Variants in BCAS3 observed in about 807,000 individuals in gnomAD.
BCAS3 encodes BCAS4/BCAS3 fusion.
A neutral mutation model predicts 116.1 loss-of-function variants in BCAS3; 53 were observed. The observed-to-expected ratio is 0.46, with a 90% CI of 0.37 to 0.57. The LOEUF (loss-of-function observed/expected upper bound fraction) is 0.57. Among genes scored for constraint, BCAS3 ranks in the 20% least tolerant of loss-of-function variants. The pLI is 0.00. For missense variants in BCAS3, 917 were observed against 1,165.4 expected (o/e 0.79, Z 3.10); for synonymous variants, 391 against 408.2 (o/e 0.96, Z 0.51).
chr17:60,779,648 C>T (rs904178315), intron 6 of BCAS3, among the ~76,000 whole-genome samples: 2 of 152,180 alleles, frequency 1.3e-5, no homozygotes, highest in Non-Finnish European at 2.9e-5. Context: ...GGATTACAGG[C>T]GTGAGCCATC....
rs5821300 is a variant in BCAS3, at chr17:61,105,777, GA to G, written c.2425+21223del. On this transcript the variant is annotated intron_variant, in intron 22 of 23. Coordinates refer to ENST00000407086, the MANE Select transcript of BCAS3 (RefSeq NM_017679.5). The surrounding 1 kb of genome is among the most constrained non-coding windows in gnomAD (Gnocchi z 4.3). ...TTGCTTTAAGTGTTGGGAGAAAATG[GA>G]AAAAAAAAAGTTAGAGCTTTAGTAC... 2.7e-5 allele frequency among the ~76,000 whole-genome samples: 4 copies of G among 150,294 alleles called. No individual in the cohort carries two copies. The highest frequency in any genetic ancestry group is 9.8e-5 in the African/African-American group (4 of 40,888).
chr17:61,038,853 G>A (rs1215099730), intron 18 of BCAS3, among the ~76,000 whole-genome samples: 1 of 151,616 alleles, frequency 6.6e-6, no homozygotes, highest in Non-Finnish European at 1.5e-5. Context: ...TAGAGATAGG[G>A]TTTCACCATG....
rs3032587 is a variant in BCAS3 at position 61,216,516 on chromosome 17, GTTTATTTTAT to G, written c.2425+131980_2425+131989del. ...GAACTAAGCAAGTCAATAAGTATGTGTTTATTTTATTTTATTTTATTTTATTTTATTTTAT... is the reference window on the plus strand; with the variant it reads ...GAACTAAGCAAGTCAATAAGTATGTGTTTATTTTATTTTATTTTATTTTAT... On this transcript the variant is annotated intron_variant, in intron 22 of 23. Transcript: ENST00000407086. Among the ~76,000 whole-genome samples, 182 of 145,438 alleles carry G rather than the reference GTTTATTTTAT, an allele frequency of 1.3e-3. 1 individual carries two copies. The highest frequency in any genetic ancestry group is 3.9e-3 in the African/African-American group (155 of 39,394).
rs2066873822 is a variant in BCAS3, at chr17:61,034,557, A to C, written c.1638-109A>C. 2 of 976,980 alleles carry C rather than the reference A, an allele frequency of 2.0e-6. No homozygotes were observed. Among genetic ancestry groups the C allele is most frequent in the Non-Finnish European group, 3.0e-6 (2 of 677,490 alleles). The allele number at this position is 976,980 out of a possible 1,614,324, so 60.5% of individuals were successfully genotyped here. ...ATTACTTAAGGCAAAATGCATGTTCATACTGGAGGATTTGAATAGGGGTGG... is the reference window on the plus strand; with the variant it reads ...ATTACTTAAGGCAAAATGCATGTTCCTACTGGAGGATTTGAATAGGGGTGG... On this transcript the variant is annotated intron_variant, in intron 16 of 23. Coordinates refer to ENST00000407086, the MANE Select transcript of BCAS3 (RefSeq NM_017679.5). The surrounding 1 kb of genome is among the most constrained non-coding windows in gnomAD (Gnocchi z 5.0).
chr17:60,829,114 C>G (rs2050687405), intron 7 of BCAS3, among the ~76,000 whole-genome samples: 1 of 152,018 alleles, frequency 6.6e-6, no homozygotes, highest in African/African-American at 2.4e-5. Flanking sequence ...CATTGCTAGA[C>G]ATTTCTTGCT....
chr17:60,769,276 G>A (rs371681722), intron 6 of BCAS3, among the ~76,000 whole-genome samples: 20 of 152,204 alleles, frequency 1.3e-4, no homozygotes, highest in Admixed American at 7.9e-4. Context: ...GAATGCTCAG[G>A]TGTTGGCAGT....
chr17:60,691,318 T>C (rs2034792290), intron 4 of BCAS3, among the ~76,000 whole-genome samples: 1 of 152,168 alleles, frequency 6.6e-6, no homozygotes, highest in Admixed American at 6.6e-5. Flanking sequence ...CACCATGGTT[T>C]TCCTCAGTGA....
intron 12 of BCAS3, among the ~76,000 whole-genome samples, chr17:60,918,901 G>A (rs901032677): frequency 2.6e-5 from 4 of 152,018 alleles, no homozygotes; most frequent in Non-Finnish European, 2.9e-5. Flanking sequence ...CACCATGTTA[G>A]CCAGGATGGT....
rs1368901754 is a variant in BCAS3, at chr17:61,300,710, T to C, written c.2426-67617T>C. The stretch of plus-strand genomic sequence containing the variant: ...AAATAGGGAAAAGAATACCTTTTTT[T>C]CCCTCATCACCTACCACAGAAAGTT... On this transcript the variant is annotated intron_variant, in intron 22 of 23. Transcript: ENST00000407086. This position sits in a 1 kb window ranked among gnomAD's most constrained non-coding sequence, Gnocchi z 5.1. Among the ~76,000 whole-genome samples, 1 of 152,230 alleles carries C rather than the reference T, an allele frequency of 6.6e-6. No individual in the cohort carries two copies. Among genetic ancestry groups the C allele is most frequent in the African/African-American group, 2.4e-5 (1 of 41,456 alleles).
intron 6 of BCAS3, among the ~76,000 whole-genome samples, chr17:60,799,227 G>T (rs1204642062): frequency 6.6e-6 from 1 of 151,848 alleles, no homozygotes; most frequent in East Asian, 1.9e-4. Context: ...TCTTTATTCT[G>T]TCTTCCATTA....
Position 60,710,991 on chromosome 17 carries a change from C to T in BCAS3, c.321+1666C>T, listed in dbSNP as rs75728519. Among the ~76,000 whole-genome samples the T allele has an allele frequency of 2.0e-3, 299 of 151,866 alleles. 7 individuals carry two copies. The South Asian group carries it at 0.031, about 16-fold the overall frequency. ...TTAATTTTTAACACTTTAATGGAGA[C>T]AGGGTCCTACTGTGTTGCCCAGGCT... On this transcript the variant is annotated intron_variant, in intron 5 of 23. Coordinates refer to ENST00000407086, the MANE Select transcript of BCAS3 (RefSeq NM_017679.5).
At position 61,088,351 on chromosome 17, in the gene BCAS3, G is replaced by T. The variant is rs1004589549; in HGVS notation, c.2425+3787G>T. ...CTACCCAGAACAAATGGGATTTGGGGCAGTTGCTCACTTTTTCCCATATCC... is the reference window on the plus strand; with the variant it reads ...CTACCCAGAACAAATGGGATTTGGGTCAGTTGCTCACTTTTTCCCATATCC... On this transcript the variant is annotated intron_variant, in intron 22 of 23. Transcript: ENST00000407086. This position sits in a 1 kb window ranked among gnomAD's most constrained non-coding sequence, Gnocchi z 4.2. 1.3e-5 allele frequency among the ~76,000 whole-genome samples: 2 copies of T among 152,160 alleles called. No homozygotes were observed. The highest frequency in any genetic ancestry group is 1.9e-4 in the East Asian group (1 of 5,198).
At position 61,204,319 on chromosome 17, in the gene BCAS3, T is replaced by G. The variant is rs2081004438; in HGVS notation, c.2425+119755T>G. Among the ~76,000 whole-genome samples the G allele has an allele frequency of 6.6e-6, 1 of 152,250 alleles. No homozygotes were observed. The highest frequency in any genetic ancestry group is 2.1e-4 in the South Asian group (1 of 4,832). ...AATTGCTGCATTTCTATAAATAGAATGAAGGTCATGTGAACGAGTTCAGAA... is the reference window on the plus strand; with the variant it reads ...AATTGCTGCATTTCTATAAATAGAAGGAAGGTCATGTGAACGAGTTCAGAA... On this transcript the variant is annotated intron_variant, in intron 22 of 23. Transcript: ENST00000407086. This position sits in a 1 kb window ranked among gnomAD's most constrained non-coding sequence, Gnocchi z 4.2.
In BCAS3 at chr17:61,387,775, G is replaced by A. The variant is rs2059931054; in HGVS notation, c.2594-4202G>A. 6.6e-6 allele frequency among the ~76,000 whole-genome samples: 1 copy of A among 152,208 alleles called. No individual in the cohort carries two copies. Among genetic ancestry groups the A allele is most frequent in the African/African-American group, 2.4e-5 (1 of 41,450 alleles). ...GCACCCGTTCTTTCTTGGGGGATGGGGGTGGGAGGTGAAGAACCAGAGCTA... is the reference window on the plus strand; with the variant it reads ...GCACCCGTTCTTTCTTGGGGGATGGAGGTGGGAGGTGAAGAACCAGAGCTA... On this transcript the variant is annotated intron_variant, in intron 23 of 23. Coordinates refer to ENST00000407086, the MANE Select transcript of BCAS3 (RefSeq NM_017679.5). This position sits in a 1 kb window ranked among gnomAD's most constrained non-coding sequence, Gnocchi z 6.2.
chr17:61,090,619 C>A (rs1331835733), intron 22 of BCAS3, among the ~76,000 whole-genome samples: 1 of 152,080 alleles, frequency 6.6e-6, no homozygotes, highest in Non-Finnish European at 1.5e-5. Flanking sequence ...CTGTATCTCT[C>A]CTCTTCTGAT....
In BCAS3 at chr17:61,034,170, A is replaced by G. The variant is rs774253832; in HGVS notation, c.1638-496A>G. On this transcript the variant is annotated intron_variant, in intron 16 of 23. Coordinates refer to ENST00000407086, the MANE Select transcript of BCAS3 (RefSeq NM_017679.5). This position sits in a 1 kb window ranked among gnomAD's most constrained non-coding sequence, Gnocchi z 5.0. ...GAGAGCATTTTCAAGGCTTCATTCT[A>G]TATCACCTCATTTTCATCCATGCTG... Among the ~76,000 whole-genome samples, 5 of 152,226 alleles carry G rather than the reference A, an allele frequency of 3.3e-5. No individual in the cohort carries two copies. Among genetic ancestry groups the G allele is most frequent in the South Asian group, 4.1e-4 (2 of 4,832 alleles).
intron 5 of BCAS3, among the ~76,000 whole-genome samples, chr17:60,744,012 C>T (rs186006596): frequency 3.9e-5 from 6 of 152,242 alleles, no homozygotes; most frequent in South Asian, 2.1e-4. Flanking sequence ...CAAACTGGTA[C>T]GTCCGGTTTA....
chr17:61,111,001 T>G (rs1476947521), intron 22 of BCAS3, among the ~76,000 whole-genome samples: 1 of 152,016 alleles, frequency 6.6e-6, no homozygotes, highest in African/African-American at 2.4e-5. Flanking sequence ...AGCAGGGTAT[T>G]CCAACAGACC....
At chr17:61,148,786 G>A (rs1385913757) in intron 22 of BCAS3, among the ~76,000 whole-genome samples, 2 of 152,132 alleles carry the variant, frequency 1.3e-5, no homozygotes, top group Admixed American at 6.5e-5. Flanking sequence ...TTGTTATTGC[G>A]CTTCCTCATC....
Sources: allele counts gnomAD v4.1 joint callset (sites outside exome capture counted in the v4.1 genomes callset), GRCh38; gene constraint gnomAD v4.1.1; non-coding constraint Gnocchi (gnomAD v3.1); transcripts MANE v1.5; gene names NCBI Gene and HGNC (gene_info 2026-07-23, HGNC 2026-07-21).